The following RASAL2 variants were observed in gnomAD, a reference collection of about 807,000 sequenced individuals.
The protein encoded by RASAL2 is ras GTPase-activating protein nGAP.
Under a neutral mutation model 128.9 loss-of-function variants are expected in RASAL2, and 58 were observed. The observed-to-expected ratio is 0.45, with a 90% CI of 0.36 to 0.56. The LOEUF (loss-of-function observed/expected upper bound fraction) is 0.56, where lower values mean the gene tolerates loss of function less well. RASAL2 is among the 20% of genes least tolerant of loss of function. RASAL2 has a pLI of 0.00. For synonymous variants in RASAL2, 561 were observed against 580.8 expected, an observed-to-expected ratio of 0.97 and a Z score of 0.49; for missense variants, 1,360 against 1,601.6, an observed-to-expected ratio of 0.85 and a Z score of 2.57.
chr1:178,162,664 C>T (rs1034938669), intron 1 of RASAL2, among the ~76,000 whole-genome samples: 3 of 147,052 alleles, frequency 2.0e-5, no homozygotes, highest in Non-Finnish European at 4.5e-5. Flanking sequence ...CTCAGCTCAC[C>T]ACAACCTCCA....
chr1:178,284,729 C>T (rs978298947), intron 2 of RASAL2, among the ~76,000 whole-genome samples: 7 of 151,772 alleles, frequency 4.6e-5, no homozygotes, highest in Non-Finnish European at 8.8e-5. Flanking sequence ...TCCCAATTTC[C>T]ACCATATAAA....
chr1:178,419,587 C>G (rs2902237), intron 4 of RASAL2, among the ~76,000 whole-genome samples: 49,917 of 152,102 alleles, frequency 0.33, 10,177 homozygotes, highest in East Asian at 0.57. Flanking sequence ...CCGTGTCTGA[C>G]TGAGAAATTT....
intron 1 of RASAL2, among the ~76,000 whole-genome samples, chr1:178,197,068 C>T (rs1289514025): frequency 6.6e-6 from 1 of 152,186 alleles, no homozygotes; most frequent in Non-Finnish European, 1.5e-5. Flanking sequence ...AATCCCAGCA[C>T]TTTGGGAGGC....
At chr1:178,133,552 A>AGT (rs1660200733) in intron 1 of RASAL2, among the ~76,000 whole-genome samples, 1 of 151,674 alleles carries the variant, frequency 6.6e-6, no homozygotes, top group Non-Finnish European at 1.5e-5. Context: ...GTGGCAGGGA[A>AGT]GTAATGTAAG....
intron 2 of RASAL2, among the ~76,000 whole-genome samples, chr1:178,298,303 T>C (rs1284113834): frequency 2.0e-5 from 3 of 152,220 alleles, no homozygotes; most frequent in Admixed American, 2.0e-4. Context: ...TCTTTATTGA[T>C]GCTATTTTTT....
At chr1:178,243,920 C>A (rs1664643141) in intron 1 of RASAL2, among the ~76,000 whole-genome samples, 1 of 151,852 alleles carries the variant, frequency 6.6e-6, no homozygotes, top group Admixed American at 6.6e-5. Flanking sequence ...TTATTCATAT[C>A]ATTTTCATTT....
chr1:178,165,990 G>A (rs538148785), intron 1 of RASAL2, among the ~76,000 whole-genome samples: 11 of 152,080 alleles, frequency 7.2e-5, no homozygotes, highest in African/African-American at 2.7e-4. Flanking sequence ...GTACGTATGT[G>A]CACATACATA....
At chr1:178,324,049 A>G (rs2102343915) in intron 3 of RASAL2, among the ~76,000 whole-genome samples, 1 of 152,334 alleles carries the variant, frequency 6.6e-6, no homozygotes, top group South Asian at 2.1e-4. Flanking sequence ...ACCTGGATTC[A>G]AATTCCATAT....
At chr1:178,356,092 C>T (rs569987020) in intron 3 of RASAL2, among the ~76,000 whole-genome samples, 24 of 145,346 alleles carry the variant, frequency 1.7e-4, no homozygotes, top group African/African-American at 4.9e-4. Flanking sequence ...CGCTTGAACC[C>T]GGGAGGCAGA....
intron 5 of RASAL2, among the ~76,000 whole-genome samples, chr1:178,430,657 G>A (rs1368481335): frequency 1.3e-5 from 2 of 152,056 alleles, no homozygotes; most frequent in Non-Finnish European, 2.9e-5. Context: ...ACAACTGTGT[G>A]AGATGTAGGA....
intron 3 of RASAL2, among the ~76,000 whole-genome samples, chr1:178,306,742 G>A (rs1009595280): frequency 9.0e-4 from 136 of 151,722 alleles, no homozygotes; most frequent in African/African-American, 3.2e-3. Context: ...TTTTGATGGG[G>A]TTGTTTGTTT....
intron 5 of RASAL2, among the ~76,000 whole-genome samples, chr1:178,437,015 T>C (rs1342137043): frequency 6.6e-6 from 1 of 152,114 alleles, no homozygotes; most frequent in African/African-American, 2.4e-5. Flanking sequence ...AACTTTGCCA[T>C]GTTTGCAGAG....
At chr1:178,187,608 G>A (rs529224109) in intron 1 of RASAL2, among the ~76,000 whole-genome samples, 100 of 152,092 alleles carry the variant, frequency 6.6e-4, no homozygotes, top group East Asian at 1.2e-3. Flanking sequence ...AACCACAACC[G>A]GAAAAACTGT....
intron 3 of RASAL2, among the ~76,000 whole-genome samples, chr1:178,347,528 G>T (rs1037671369): frequency 1.3e-5 from 2 of 152,090 alleles, no homozygotes; most frequent in African/African-American, 4.8e-5. Flanking sequence ...TACAAAAGAG[G>T]TAATCCAGAT....
At chr1:178,313,898 G>A (rs868537925) in intron 3 of RASAL2, among the ~76,000 whole-genome samples, 7 of 152,146 alleles carry the variant, frequency 4.6e-5, no homozygotes, top group East Asian at 1.9e-4. Flanking sequence ...ACTTCTTGGC[G>A]TTTTCAGGTT....
intron 17 of RASAL2, among the ~76,000 whole-genome samples, chr1:178,468,652 A>G (rs1325146492): frequency 6.6e-6 from 1 of 152,192 alleles, no homozygotes; most frequent in African/African-American, 2.4e-5. Flanking sequence ...TGAACTCTAT[A>G]GTTTCTGGAT....
intron 1 of RASAL2, among the ~76,000 whole-genome samples, chr1:178,189,935 C>T (rs1662432070): frequency 2.0e-5 from 3 of 152,086 alleles, no homozygotes; most frequent in Admixed American, 2.0e-4. Flanking sequence ...GAAACTACTG[C>T]TTTGTGCTGT....
intron 1 of RASAL2, among the ~76,000 whole-genome samples, chr1:178,110,637 C>CATATATATATATATATATAT (rs1553250958): frequency 7.0e-4 from 11 of 15,652 alleles, no homozygotes; most frequent in Non-Finnish European, 1.3e-3. Context: ...ATAGTGTATA[C>CATATATATATATATATATAT]ATATATATAT....
At position 178,439,540 on chromosome 1, in the gene RASAL2, C is replaced by T. The variant is rs1193550208; in HGVS notation, c.793C>T (p.His265Tyr). 6.2e-7 allele frequency: 1 copy of T among 1,612,854 alleles called. No homozygotes were observed. Among genetic ancestry groups the T allele is most frequent in the Admixed American group, 1.7e-5 (1 of 59,848 alleles). ...RGEPVSVKPL[H>Y]SSILGQDFCF... ...GGAACCTGTATCAGTGAAACCACTT[C>T]ATAGTAGCATCCTTGGACAAGACTT... The change falls in exon 6 of 18, where the codon CAT (histidine) becomes TAT (tyrosine). Residue 265 changes from histidine (H) to tyrosine (Y), a missense_variant. Physicochemically the swap from His to Tyr is moderately conservative, Grantham distance 83 (BLOSUM62 2). Transcript: ENST00000367649.
Sources: allele counts gnomAD v4.1 joint callset (sites outside exome capture counted in the v4.1 genomes callset), GRCh38; gene constraint gnomAD v4.1.1; transcripts MANE v1.5; gene names NCBI Gene and HGNC (gene_info 2026-07-23, HGNC 2026-07-21).